The following SLC66A1 variants were observed in gnomAD, a reference collection of about 807,000 sequenced individuals.
SLC66A1 encodes the protein lysosomal amino acid transporter 1 homolog.
Under a neutral mutation model 33.0 loss-of-function variants are expected in SLC66A1, and 23 were observed. The ratio of observed to expected loss-of-function variants is 0.70; its 90% confidence interval spans 0.50 to 0.99. The LOEUF (loss-of-function observed/expected upper bound fraction) is 0.99, where lower values mean the gene tolerates loss of function less well. Ranked by LOEUF, SLC66A1 falls within the 50% of genes least tolerant of loss-of-function variation. The pLI, the probability that SLC66A1 is intolerant of heterozygous loss-of-function variation, is 0.00. For synonymous variants in SLC66A1, 164 were observed against 175.5 expected, an observed-to-expected ratio of 0.93 and a Z score of 0.52; for missense variants, 335 against 383.6, an observed-to-expected ratio of 0.87 and a Z score of 1.06.
chr1:19,331,718 C>T (rs903313068), downstream of SLC66A1, among the ~76,000 whole-genome samples: 5 of 152,240 alleles, frequency 3.3e-5, no homozygotes, highest in Non-Finnish European at 5.9e-5. Flanking sequence ...CACCAGTTAC[C>T]TGGGACCAGT....
At chr1:19,315,316 C>G (rs1382863007) in intron 1 of SLC66A1, among the ~76,000 whole-genome samples, 10 of 152,234 alleles carry the variant, frequency 6.6e-5, no homozygotes, top group Admixed American at 6.5e-4. Flanking sequence ...AGGTGGGCCA[C>G]GAAGACACAG....
Position 19,327,308 on chromosome 1 carries a change from G to T in SLC66A1, c.700G>T (p.Val234Leu). ...GGGGAACACGCTGTATGGGCTGAGC[G>T]TGCTGCTCAAAAACCCCGAGGAGGG... is the stretch of plus-strand genomic sequence containing the variant. ...MLGNTLYGLS[V>L]LLKNPEEGQS... Residue 234 changes from valine (V) to leucine (L), a missense_variant, in exon 7 of 8, where the codon GTG becomes TTG. Coordinates refer to ENST00000375153, the MANE Select transcript of SLC66A1 (RefSeq NM_001040125.2). 1 of 1,613,704 alleles carries T rather than the reference G, an allele frequency of 6.2e-7. No individual in the cohort carries two copies. The highest frequency in any genetic ancestry group is 8.5e-7 in the Non-Finnish European group (1 of 1,179,834).
In SLC66A1 at chr1:19,328,465, G is replaced by A; in HGVS notation, c.805-107G>A. The stretch of plus-strand genomic sequence containing the variant: ...GCTGGCCCTTCCCACCTGCAGCGTG[G>A]GGGTGGGAGGGAGGGGAGAGGGAGG... On this transcript the variant is annotated intron_variant, in intron 7 of 7. Transcript: ENST00000375153. The surrounding 1 kb of genome is among the most constrained non-coding windows in gnomAD (Gnocchi z 4.7). The A allele has an allele frequency of 9.8e-7, 1 of 1,017,136 alleles. No individual in the cohort carries two copies. Among genetic ancestry groups the A allele is most frequent in the African/African-American group, 1.6e-5 (1 of 63,052 alleles). 63.0% of individuals were successfully genotyped at this position (1,017,136 alleles called of 1,614,324 possible).
Position 19,326,566 on chromosome 1 carries a change from C to T in SLC66A1, c.561C>T (p.Ile187=), listed in dbSNP as rs759028494. ...GGCAGGAAGTCATTGGCTTCGTCATCGGCTCCATCTCCAGCGTGTTGTACC... is the reference window on the plus strand; with the variant it reads ...GGCAGGAAGTCATTGGCTTCGTCATTGGCTCCATCTCCAGCGTGTTGTACC... The part of the protein sequence containing the change: ...FTRQEVIGFV[I]GSISSVLYLL... Residue 187 remains isoleucine, a synonymous_variant, in exon 6 of 8, where the codon ATC becomes ATT. Transcript: ENST00000375153. 54 of 1,614,120 alleles carry T rather than the reference C, an allele frequency of 3.3e-5. No individual in the cohort carries two copies. In the Middle Eastern group the frequency reaches 4.9e-4, roughly 15 times the overall value.
At chr1:19,320,626 A>G (rs769143320) in intron 2 of SLC66A1, among the ~76,000 whole-genome samples, 80 of 151,862 alleles carry the variant, frequency 5.3e-4, no homozygotes, top group Non-Finnish European at 1.0e-3. Context: ...CGTGTTAGCC[A>G]GGATGGTCTC....
In SLC66A1 at chr1:19,319,771, C is replaced by T. The variant is rs374794086; in HGVS notation, c.164+1930C>T. 2.2e-4 allele frequency among the ~76,000 whole-genome samples: 33 copies of T among 150,436 alleles called. No homozygotes were observed. In the East Asian group the frequency reaches 3.6e-3, roughly 17 times the overall value. On this transcript the variant is annotated intron_variant, in intron 2 of 7. Coordinates refer to ENST00000375153, the MANE Select transcript of SLC66A1 (RefSeq NM_001040125.2). ...TACAAAAATTAGCGGGGTGTGGTGG[C>T]GCGTGCCTGTGGTCCCAGCTACTCG...
rs751529558 is a variant in SLC66A1 at position 19,328,197 on chromosome 1, C to T, written c.805-375C>T. ...GTTTTAATATTTGTTAAGTCCCTGC[C>T]GGGCGCAGGGAGGGGTGAAAGTTTA... On this transcript the variant is annotated intron_variant, in intron 7 of 7. Transcript: ENST00000375153. The surrounding 1 kb of genome is among the most constrained non-coding windows in gnomAD (Gnocchi z 4.7). The T allele has an allele frequency of 2.6e-5, 10 of 384,230 alleles. No homozygotes were observed. Among genetic ancestry groups the T allele is most frequent in the Non-Finnish European group, 4.3e-5 (9 of 207,062 alleles). 23.8% of individuals were successfully genotyped at this position (384,230 alleles called of 1,614,324 possible). A position where few individuals can be genotyped will look rare whatever the true frequency, so the allele number is the denominator to read the frequency against.
intron 2 of SLC66A1, among the ~76,000 whole-genome samples, chr1:19,319,147 G>A (rs148656270): frequency 3.7e-4 from 57 of 152,228 alleles, no homozygotes; most frequent in African/African-American, 8.7e-4. Context: ...GAGAGAATTC[G>A]CATTTCATGC....
At chr1:19,318,879 G>C (rs770381346) in intron 2 of SLC66A1, among the ~76,000 whole-genome samples, 11 of 152,338 alleles carry the variant, frequency 7.2e-5, no homozygotes, top group Non-Finnish European at 1.3e-4. Flanking sequence ...GACAGCATTG[G>C]GGGTGAGAGC....
At chr1:19,326,444 C>A in intron 5 of SLC66A1, 57 bp downstream of exon 5, 1 of 1,610,392 alleles carries the variant, frequency 6.2e-7, no homozygotes, top group African/African-American at 1.3e-5. Flanking sequence ...CCAGGGCTCT[C>A]CCCTGCACAG....
rs755077935 is a variant in SLC66A1, at chr1:19,324,674, C to T, written c.206C>T (p.Ala69Val). The T allele has an allele frequency of 6.2e-6, 10 of 1,614,100 alleles. No homozygotes were observed. The highest frequency in any genetic ancestry group is 1.7e-5 in the Admixed American group (1 of 60,018). Residue 69 changes from alanine to valine, a missense_variant, in exon 3 of 8, where the codon GCG becomes GTG. Transcript: ENST00000375153. ...TACAAGACGGGCAACATGGACCAGG[C>T]GCTGTCCCTGTGGTTCCTCCTGGGC... ...KAYKTGNMDQ[A>V]LSLWFLLGWI...
intron 5 of SLC66A1, 54 bp downstream of exon 5, chr1:19,326,441 T>G: frequency 1.2e-6 from 2 of 1,609,228 alleles, no homozygotes; most frequent in Middle Eastern, 1.7e-4. Context: ...TCCCCAGGGC[T>G]CTCCCCTGCA....
chr1:19,324,318 C>T (rs1016815420), intron 2 of SLC66A1, among the ~76,000 whole-genome samples: 3 of 152,228 alleles, frequency 2.0e-5, no homozygotes, highest in Admixed American at 2.0e-4. Flanking sequence ...AACTTCAGGA[C>T]CCTACATAAG....
At position 19,317,667 on chromosome 1, in the gene SLC66A1, C is replaced by T. The variant is rs2093812889; in HGVS notation, c.-11C>T. ...CAGCCCTGCCTGGCCGGGGGCCCCTCCTCCACAGCCATGGTCTGGAAGAAA... is the reference window on the plus strand; with the variant it reads ...CAGCCCTGCCTGGCCGGGGGCCCCTTCTCCACAGCCATGGTCTGGAAGAAA... On this transcript the variant is annotated 5_prime_UTR_variant, in exon 2 of 8. Coordinates refer to ENST00000375153, the MANE Select transcript of SLC66A1 (RefSeq NM_001040125.2). 3.1e-6 allele frequency: 5 copies of T among 1,613,558 alleles called. No homozygotes were observed. Among genetic ancestry groups the T allele is most frequent in the South Asian group, 1.1e-5 (1 of 91,056 alleles).
chr1:19,330,420 C>T (rs1221099225), downstream of SLC66A1, among the ~76,000 whole-genome samples: 2 of 152,212 alleles, frequency 1.3e-5, no homozygotes, highest in Non-Finnish European at 2.9e-5. Flanking sequence ...CAGCCCTCCA[C>T]TCAGCCTTTG....
downstream of SLC66A1, among the ~76,000 whole-genome samples, chr1:19,332,297 C>CA (rs1237506856): frequency 2.6e-5 from 4 of 152,238 alleles, no homozygotes. Flanking sequence ...GCCGTTTCTT[C>CA]ATCCCATGAG....
chr1:19,326,992 G>A (rs923188177), intron 6 of SLC66A1, among the ~76,000 whole-genome samples: 1 of 152,148 alleles, frequency 6.6e-6, no homozygotes, highest in Non-Finnish European at 1.5e-5. Flanking sequence ...GTGGTGTGGG[G>A]CCACAGGCCT....
At chr1:19,327,767 G>A (rs915651515) in intron 7 of SLC66A1, 11 of 428,720 alleles carry the variant, frequency 2.6e-5, no homozygotes, top group South Asian at 9.2e-5. Flanking sequence ...GCCAGGGACC[G>A]TCCTGGTTAG....
At chr1:19,327,168 C>A (rs2093872586) in intron 6 of SLC66A1, 59 bp from the exon 7 acceptor site, 2 of 1,483,592 alleles carry the variant, frequency 1.3e-6, no homozygotes, top group South Asian at 1.2e-5. Context: ...TGGACAGTTA[C>A]AATCCAGAGT....
Sources: gnomAD v4.1 joint callset for allele counts (sites outside exome capture counted in the v4.1 genomes callset) on GRCh38, gnomAD v4.1.1 for gene constraint, Gnocchi (gnomAD v3.1) non-coding constraint, MANE v1.5 for transcripts, NCBI Gene and HGNC (gene_info 2026-07-23, HGNC 2026-07-21) for gene names.